LEUTX: variants seen among roughly 807,000 people sequenced by gnomAD.
The protein encoded by LEUTX is leucine twenty homeobox.
A neutral mutation model predicts 4.5 loss-of-function variants in LEUTX; 5 were observed. The observed-to-expected ratio is 1.11, with a 90% CI of 0.58 to 2.34. The LOEUF is 2.34. Ranked by LOEUF, LEUTX falls within the 30% of genes most tolerant of loss-of-function variation. The pLI, the probability that LEUTX is intolerant of heterozygous loss-of-function variation, is 0.01. For missense variants in LEUTX, 233 were observed against 239.4 expected (o/e 0.97, Z 0.18); for synonymous variants, 89 against 85.1 (o/e 1.05, Z -0.25).
At position 39,785,622 on chromosome 19, in the gene LEUTX, C is replaced by A. The variant is rs539057928; in HGVS notation, c.160-76C>A. ...GAGACTCTCTCTCACACCAAAAAAC[C>A]GAATTCCTGAGGAACATGAGGATGC... On this transcript the variant is annotated intron_variant, in intron 2 of 2. Transcript: ENST00000638280. The A allele has an allele frequency of 5.4e-5, 66 of 1,211,410 alleles. 1 individual carries two copies. The South Asian group carries it at 9.5e-4, about 17-fold the overall frequency. 75.0% of individuals were successfully genotyped at this position (1,211,410 alleles called of 1,614,324 possible).
At chr19:39,785,677 T>TC (rs776861037) in intron 2 of LEUTX, 21 bp from the exon 3 acceptor site, 5 of 1,539,802 alleles carry the variant, frequency 3.2e-6, no homozygotes, top group South Asian at 2.4e-5. Context: ...ATTATTAACC[T>TC]CCCCCCTCCT....
rs957016374 is a variant in LEUTX, at chr19:39,785,987, C to A, written c.449C>A (p.Ala150Asp). ...SYDIEQICLG[A>D]SNPPWASTLF... ...GACATTGAACAGATATGTCTGGGGG[C>A]TTCAAATCCTCCTTGGGCCTCCACT... Residue 150 changes from alanine (A) to aspartate (D), a missense_variant, in exon 3 of 3, where the codon GCT becomes GAT. Transcript: ENST00000638280. 5.2e-6 allele frequency: 8 copies of A among 1,551,618 alleles called. No homozygotes were observed. Among genetic ancestry groups the A allele is most frequent in the Non-Finnish European group, 5.2e-6 (6 of 1,147,010 alleles).
Position 39,785,850 on chromosome 19 carries a change from T to C in LEUTX, c.312T>C (p.Ser104=). Residue 104 remains serine, a synonymous_variant, in exon 3 of 3, where the codon AGT becomes AGC. Coordinates refer to ENST00000638280, the MANE Select transcript of LEUTX (RefSeq NM_001382345.1). ...AITTANIRPV[S]PGISDANDHD... ...CTACTGCAAACATTCGTCCAGTAAG[T>C]CCTGGAATCTCTGATGCAAATGACC... 6.4e-7 allele frequency: 1 copy of C among 1,551,794 alleles called. No individual in the cohort carries two copies.
At chr19:39,780,509 T>A (rs1164158561) in intron 1 of LEUTX, among the ~76,000 whole-genome samples, 1 of 151,654 alleles carries the variant, frequency 6.6e-6, no homozygotes, top group Non-Finnish European at 1.5e-5. Context: ...AATCTTGAAT[T>A]TTTTTTAATA....
At chr19:39,783,043 C>T (rs182668839) in intron 1 of LEUTX, among the ~76,000 whole-genome samples, 16 of 151,520 alleles carry the variant, frequency 1.1e-4, no homozygotes, top group Non-Finnish European at 2.1e-4. Context: ...CCCACCCTTT[C>T]CCCCGAATCC....
chr19:39,782,895 T>A (rs1199918238), intron 1 of LEUTX, among the ~76,000 whole-genome samples: 1 of 152,118 alleles, frequency 6.6e-6, no homozygotes, highest in African/African-American at 2.4e-5. Flanking sequence ...TTTTGTATTT[T>A]CGTAGGCTAT....
intron 1 of LEUTX, among the ~76,000 whole-genome samples, chr19:39,781,096 TTCTCTCTG>T (rs911895508): frequency 7.9e-5 from 12 of 152,118 alleles, no homozygotes; most frequent in Non-Finnish European, 1.6e-4. Flanking sequence ...TTTTCTCTCT[TTCTCTCTG>T]TCTCTCCCTC....
intron 1 of LEUTX, among the ~76,000 whole-genome samples, chr19:39,783,523 G>A (rs1321446282): frequency 6.6e-6 from 1 of 151,748 alleles, no homozygotes; most frequent in Non-Finnish European, 1.5e-5. Context: ...ATAGCCAGTA[G>A]TTGGATTGCT....
rs1056128924 is a variant in LEUTX at position 39,784,457 on chromosome 19, T to C, written c.8-70T>C. The C allele has an allele frequency of 8.8e-5, 59 of 671,296 alleles. No homozygotes were observed. In the Middle Eastern group the frequency reaches 9.3e-4, roughly 11 times the overall value. 41.6% of individuals were successfully genotyped at this position (671,296 alleles called of 1,614,324 possible). ...ATTCTTTTGTCCCACAGGTGTTCCC[T>C]TGATGTAGTACTCTCCTCATTTCCT... On this transcript the variant is annotated intron_variant, in intron 1 of 2. Coordinates refer to ENST00000638280, the MANE Select transcript of LEUTX (RefSeq NM_001382345.1).
intron 1 of LEUTX, among the ~76,000 whole-genome samples, chr19:39,782,098 T>C (rs183489045): frequency 2.0e-5 from 3 of 152,282 alleles, no homozygotes; most frequent in African/African-American, 7.2e-5. Flanking sequence ...CCAATCAACA[T>C]AGACAGCAGT....
intron 1 of LEUTX, among the ~76,000 whole-genome samples, chr19:39,783,955 CTTTTGCCATGCAAAATCTCTTTAGT>C (rs1967925563): frequency 6.6e-6 from 1 of 152,074 alleles, no homozygotes; most frequent in Non-Finnish European, 1.5e-5. Context: ...TCTGCTGTTC[CTTTTGCCATGCAAAATCTCTTTAGT>C]TTAATAAAGT....
At chr19:39,778,364 T>C (rs1967830655), upstream of LEUTX, among the ~76,000 whole-genome samples, 1 of 152,160 alleles carries the variant, frequency 6.6e-6, no homozygotes, top group Non-Finnish European at 1.5e-5. Context: ...TTCACTGTCA[T>C]CCATTGCTGT....
At chr19:39,779,783 G>A (rs1184829388) in intron 1 of LEUTX, among the ~76,000 whole-genome samples, 1 of 152,140 alleles carries the variant, frequency 6.6e-6, no homozygotes, top group Non-Finnish European at 1.5e-5. Flanking sequence ...AGATGCCAAG[G>A]CAGGCGGATC....
At chr19:39,780,970 C>A (rs1399146107) in intron 1 of LEUTX, among the ~76,000 whole-genome samples, 1 of 152,018 alleles carries the variant, frequency 6.6e-6, no homozygotes, top group Non-Finnish European at 1.5e-5. Context: ...TCCCAAAGTG[C>A]TAGTATTACA....
intron 1 of LEUTX, among the ~76,000 whole-genome samples, chr19:39,782,872 T>C (rs1289372663): frequency 6.8e-6 from 1 of 147,488 alleles, no homozygotes; most frequent in Non-Finnish European, 1.5e-5. Context: ...TAATAAAACA[T>C]TTTTAAATTT....
At chr19:39,781,241 T>C (rs1967882301) in intron 1 of LEUTX, among the ~76,000 whole-genome samples, 1 of 152,212 alleles carries the variant, frequency 6.6e-6, no homozygotes, top group Middle Eastern at 3.2e-3. Context: ...CGATCACTTG[T>C]CTTCACTGTG....
At chr19:39,780,029 G>A (rs898062919) in intron 1 of LEUTX, among the ~76,000 whole-genome samples, 1 of 152,084 alleles carries the variant, frequency 6.6e-6, no homozygotes, top group South Asian at 2.1e-4. Context: ...CAAAAAAAGT[G>A]TATTTCTTGG....
At position 39,785,762 on chromosome 19, in the gene LEUTX, C is replaced by T. The variant is rs930028774; in HGVS notation, c.224C>T (p.Pro75Leu). Reference sequence around the variant, plus strand: ...CAGCGGCAGCAAATGCAGACACGGCCATCACTAGGGCCAGCAAACCAGACA... The same window carrying T: ...CAGCGGCAGCAAATGCAGACACGGCTATCACTAGGGCCAGCAAACCAGACA... ...RQQRQQMQTR[P>L]SLGPANQTTS... The change falls in exon 3 of 3, where the codon CCA (proline) becomes CTA (leucine). Residue 75 changes from proline to leucine, a missense_variant. Pro to Leu is a moderately conservative substitution (Grantham distance 98). Transcript: ENST00000638280. 1 of 1,551,748 alleles carries T rather than the reference C, an allele frequency of 6.4e-7. No individual in the cohort carries two copies. The highest frequency in any genetic ancestry group is 8.7e-7 in the Non-Finnish European group (1 of 1,146,990).
chr19:39,785,986 G>A lies in LEUTX; in HGVS notation c.448G>A (p.Ala150Thr). 6.4e-7 allele frequency: 1 copy of A among 1,551,736 alleles called. No homozygotes were observed. The highest frequency in any genetic ancestry group is 8.7e-7 in the Non-Finnish European group (1 of 1,147,010). ...SYDIEQICLGASNPPWASTLF... is the reference protein window; with the variant it reads ...SYDIEQICLGTSNPPWASTLF... ...TGACATTGAACAGATATGTCTGGGG[G>A]CTTCAAATCCTCCTTGGGCCTCCAC... is the stretch of plus-strand genomic sequence containing the variant. The change falls in exon 3 of 3, where the codon GCT becomes ACT. Residue 150 changes from alanine to threonine, a missense_variant. Coordinates refer to ENST00000638280, the MANE Select transcript of LEUTX (RefSeq NM_001382345.1).
Sources: gnomAD v4.1 joint callset for allele counts (sites outside exome capture counted in the v4.1 genomes callset) on GRCh38, gnomAD v4.1.1 for gene constraint, MANE v1.5 for transcripts, NCBI Gene and HGNC (gene_info 2026-07-23, HGNC 2026-07-21) for gene names.